The following RAD51B variants were observed in gnomAD, a reference collection of about 807,000 sequenced individuals.
RAD51B encodes DNA repair protein RAD51 homolog 2.
Under a neutral mutation model 42.2 loss-of-function variants are expected in RAD51B, and 38 were observed. The observed-to-expected ratio is 0.90, with a 90% CI of 0.70 to 1.18. RAD51B has a LOEUF of 1.18. Ranked by LOEUF, RAD51B falls within the 50% of genes most tolerant of loss-of-function variation. RAD51B has a pLI of 0.00. For missense variants in RAD51B, 373 were observed against 400.7 expected, an observed-to-expected ratio of 0.93 and a Z score of 0.59; for synonymous variants, 154 against 145.2, an observed-to-expected ratio of 1.06 and a Z score of -0.43.
At chr14:67,971,965 A>T (rs1190613875) in intron 7 of RAD51B, among the ~76,000 whole-genome samples, 1 of 151,426 alleles carries the variant, frequency 6.6e-6, no homozygotes, top group Non-Finnish European at 1.5e-5. Flanking sequence ...ACAACAGTGC[A>T]TTTTTCTACC....
At chr14:68,669,656 ACACACT>A (rs370351322) in intron 11 of RAD51B, among the ~76,000 whole-genome samples, 4 of 151,340 alleles carry the variant, frequency 2.6e-5, no homozygotes, top group African/African-American at 9.7e-5. Flanking sequence ...ACACACACAC[ACACACT>A]CCCCACCCCC....
intron 8 of RAD51B, among the ~76,000 whole-genome samples, chr14:68,406,468 G>T (rs4902576): frequency 6.6e-6 from 1 of 152,134 alleles, no homozygotes; most frequent in East Asian, 1.9e-4. Flanking sequence ...CAATAAAAAT[G>T]GTAAAAGGAT....
chr14:68,485,387 A>G (rs1883545270), intron 10 of RAD51B, among the ~76,000 whole-genome samples: 1 of 152,214 alleles, frequency 6.6e-6, no homozygotes, highest in Non-Finnish European at 1.5e-5. Context: ...GTTGAGATTT[A>G]TTTAAGAATA....
At chr14:68,585,830 A>C (rs1456164098) in intron 10 of RAD51B, among the ~76,000 whole-genome samples, 1 of 152,132 alleles carries the variant, frequency 6.6e-6, no homozygotes, top group Non-Finnish European at 1.5e-5. Flanking sequence ...AGATTTTATA[A>C]ATATTCGGGG....
intron 7 of RAD51B, among the ~76,000 whole-genome samples, chr14:68,090,696 TTTATTA>T (rs544898659): frequency 1.4e-5 from 2 of 147,036 alleles, no homozygotes; most frequent in African/African-American, 2.4e-5. Context: ...TATTTATTTA[TTTATTA>T]TTATTATTAT....
chr14:68,510,919 G>A (rs1885684293), intron 10 of RAD51B, among the ~76,000 whole-genome samples: 1 of 152,208 alleles, frequency 6.6e-6, no homozygotes, highest in African/African-American at 2.4e-5. Context: ...GGCCAGCTCT[G>A]GCTCTGGGCT....
At chr14:68,562,806 A>G (rs1889222141) in intron 10 of RAD51B, 1 of 985,438 alleles carries the variant, frequency 1.0e-6, no homozygotes, top group Non-Finnish European at 1.2e-6. Context: ...TGGTACAGAC[A>G]TCACAAGGTA....
intron 10 of RAD51B, chr14:68,545,466 A>G (rs1348931143): frequency 2.4e-6 from 1 of 419,930 alleles, no homozygotes; most frequent in Admixed American, 2.6e-5. Flanking sequence ...TGTGCCAGGC[A>G]TTTTTTTTCA....
intron 10 of RAD51B, among the ~76,000 whole-genome samples, chr14:68,523,467 T>C (rs1370259551): frequency 6.6e-6 from 1 of 152,208 alleles, no homozygotes; most frequent in East Asian, 1.9e-4. Context: ...TAGCACTGTC[T>C]GGGAGGTTCC....
intron 7 of RAD51B, among the ~76,000 whole-genome samples, chr14:68,197,108 G>T (rs2079388742): frequency 6.6e-6 from 1 of 151,970 alleles, no homozygotes; most frequent in Non-Finnish European, 1.5e-5. Flanking sequence ...TTTTATTGAG[G>T]TAAAATTTCT....
chr14:67,834,987 G>T, intron 3 of RAD51B, 93 bp from the exon 4 acceptor site: 2 of 943,420 alleles, frequency 2.1e-6, no homozygotes, highest in Non-Finnish European at 3.3e-6. Flanking sequence ...ATGGATTAGG[G>T]TTAAAATTGC....
At chr14:67,881,768 A>G (rs1385501777) in intron 5 of RAD51B, among the ~76,000 whole-genome samples, 1 of 152,144 alleles carries the variant, frequency 6.6e-6, no homozygotes, top group Admixed American at 6.5e-5. Context: ...TTTTCTACTT[A>G]TTATTTTAGT....
intron 9 of RAD51B, among the ~76,000 whole-genome samples, chr14:68,459,785 C>T (rs1360853094): frequency 6.6e-6 from 1 of 152,204 alleles, no homozygotes; most frequent in African/African-American, 2.4e-5. Flanking sequence ...CATCTTATAG[C>T]AGATAGCAGG....
intron 10 of RAD51B, among the ~76,000 whole-genome samples, chr14:68,501,231 A>G (rs1884897040): frequency 6.6e-6 from 1 of 152,232 alleles, no homozygotes; most frequent in African/African-American, 2.4e-5. Context: ...ACAACAGCAT[A>G]ATAAATCCCC....
intron 7 of RAD51B, among the ~76,000 whole-genome samples, chr14:68,048,217 C>G (rs1280468868): frequency 1.3e-5 from 2 of 152,114 alleles, no homozygotes; most frequent in Non-Finnish European, 2.9e-5. Flanking sequence ...TTTCATGTGT[C>G]TGTTGGCTGC....
intron 10 of RAD51B, among the ~76,000 whole-genome samples, chr14:68,491,853 A>T (rs908498763): frequency 1.3e-5 from 2 of 152,186 alleles, no homozygotes; most frequent in Admixed American, 6.5e-5. Context: ...CAGTTTTAAG[A>T]CATAAATCAG....
chr14:68,095,181 A>G (rs1279012057), intron 7 of RAD51B, among the ~76,000 whole-genome samples: 6 of 152,240 alleles, frequency 3.9e-5, no homozygotes, highest in African/African-American at 1.4e-4. Context: ...GTGAGTGGTT[A>G]CTTAGAAATT....
chr14:68,224,600 A>C (rs1451981077), intron 7 of RAD51B, among the ~76,000 whole-genome samples: 1 of 152,218 alleles, frequency 6.6e-6, no homozygotes, highest in South Asian at 2.1e-4. Context: ...ATAAATATTT[A>C]TTAAGTTGAT....
At chr14:68,039,575 G>T (rs961782552) in intron 7 of RAD51B, among the ~76,000 whole-genome samples, 14 of 152,142 alleles carry the variant, frequency 9.2e-5, no homozygotes, top group South Asian at 2.1e-4. Flanking sequence ...ACAGACAAGT[G>T]AATGACTGAA....
Sources: allele counts gnomAD v4.1 joint callset (sites outside exome capture counted in the v4.1 genomes callset), GRCh38; gene constraint gnomAD v4.1.1; transcripts MANE v1.5; gene names NCBI Gene and HGNC (gene_info 2026-07-23, HGNC 2026-07-21).